Variants in RBFOX1 observed in about 807,000 individuals in gnomAD.
RBFOX1 encodes the protein RNA binding fox-1 homolog 1.
RBFOX1 carries 8 observed loss-of-function variants against 57.7 expected under a neutral mutation model. The ratio of observed to expected loss-of-function variants is 0.14; its 90% confidence interval spans 0.08 to 0.25. The LOEUF is 0.25. RBFOX1 is among the 10% of genes least tolerant of loss of function. RBFOX1 has a pLI of 1.00. For missense variants in RBFOX1, 611 were observed against 548.5 expected, an observed-to-expected ratio of 1.11 and a Z score of -1.14; for synonymous variants, 326 against 222.4, an observed-to-expected ratio of 1.47 and a Z score of -4.15.
chr16:6,067,480 C>G (rs74004709), intron 1 of RBFOX1, among the ~76,000 whole-genome samples: 156 of 152,296 alleles, frequency 1.0e-3, no homozygotes, highest in African/African-American at 3.6e-3. Flanking sequence ...AAATAAATCA[C>G]TAACCGTACT....
intron 2 of RBFOX1, among the ~76,000 whole-genome samples, chr16:6,518,225 TGTCTGGGCCAA>T (rs1264453561): frequency 1.3e-5 from 2 of 152,306 alleles, no homozygotes; most frequent in Admixed American, 6.5e-5. Flanking sequence ...CCTTGAGGGT[TGTCTGGGCCAA>T]ACACCATGTA....
chr16:6,462,004 A>G (rs2094931654), intron 2 of RBFOX1, among the ~76,000 whole-genome samples: 1 of 152,244 alleles, frequency 6.6e-6, no homozygotes, highest in African/African-American at 2.4e-5. Context: ...AGAAGGAAAG[A>G]GCAAACAAAA....
At chr16:6,842,476 G>A (rs1336457099) in intron 3 of RBFOX1, among the ~76,000 whole-genome samples, 1 of 151,980 alleles carries the variant, frequency 6.6e-6, no homozygotes, top group Non-Finnish European at 1.5e-5. Flanking sequence ...GAATGTGTGT[G>A]TTTGTTTAGA....
intron 1 of RBFOX1, among the ~76,000 whole-genome samples, chr16:5,406,263 G>T (rs1265881930): frequency 6.6e-6 from 1 of 152,124 alleles, no homozygotes; most frequent in Non-Finnish European, 1.5e-5. Context: ...TGAATTGGTG[G>T]ATGAGTACAG....
chr16:5,534,351 C>T lies in RBFOX1; in HGVS notation c.259-64551C>T, dbSNP rs80258276. On this transcript the variant is annotated intron_variant, in intron 2 of 2. Transcript: ENST00000585867. ...CTCATACGATCAGAAAGTGAAGTCCCCCAATAGCTGTCTTCAAGCTGTGGA... is the reference window on the plus strand; with the variant it reads ...CTCATACGATCAGAAAGTGAAGTCCTCCAATAGCTGTCTTCAAGCTGTGGA... Among the ~76,000 whole-genome samples, 1,519 of 152,216 alleles carry T rather than the reference C, an allele frequency of 1.0e-2. 11 individuals are homozygous for T. Among genetic ancestry groups the T allele is most frequent in the Middle Eastern group, 0.048 (14 of 294 alleles).
At position 6,915,797 on chromosome 16, in the gene RBFOX1, C is replaced by G. The variant is rs141238087; in HGVS notation, c.-15-136260C>G. Among the ~76,000 whole-genome samples, 11 of 152,258 alleles carry G rather than the reference C, an allele frequency of 7.2e-5. No individual in the cohort carries two copies. In the East Asian group the frequency reaches 1.7e-3, roughly 24 times the overall value. ...AAGCACCTGTACTCAGGTGATCTGC[C>G]TGCCCTGGCCTCGCAAAGTCCTGTA... On this transcript the variant is annotated intron_variant, in intron 3 of 15. Transcript: ENST00000550418.
At chr16:6,685,290 T>G (rs2059262869) in intron 3 of RBFOX1, among the ~76,000 whole-genome samples, 1 of 137,946 alleles carries the variant, frequency 7.2e-6, no homozygotes, top group South Asian at 2.3e-4. Flanking sequence ...TTTTTTTTTT[T>G]TTTGAGATGG....
rs577514425 is a variant in RBFOX1 at position 6,429,954 on chromosome 16, C to T, written c.-64+112897C>T. ...TGAAACCCCCTCTCTACTAAAAATACAAAATTAGCCAGGTATGGTGACACA... is the reference window on the plus strand; with the variant it reads ...TGAAACCCCCTCTCTACTAAAAATATAAAATTAGCCAGGTATGGTGACACA... On this transcript the variant is annotated intron_variant, in intron 2 of 15. Coordinates refer to ENST00000550418, the MANE Select transcript of RBFOX1 (RefSeq NM_018723.4). 5.5e-3 allele frequency among the ~76,000 whole-genome samples: 828 copies of T among 151,922 alleles called. 11 individuals carry two copies. The highest frequency in any genetic ancestry group is 5.2e-3 in the Non-Finnish European group (351 of 67,928).
At chr16:6,403,581 C>T (rs2093163683) in intron 2 of RBFOX1, among the ~76,000 whole-genome samples, 1 of 152,074 alleles carries the variant, frequency 6.6e-6, no homozygotes, top group African/African-American at 2.4e-5. Context: ...TCTCAAACTC[C>T]TGGGCTCATG....
intron 3 of RBFOX1, among the ~76,000 whole-genome samples, chr16:7,041,231 A>G (rs973078367): frequency 3.3e-5 from 5 of 151,350 alleles, no homozygotes; most frequent in South Asian, 2.1e-4. Flanking sequence ...ACCACATCCA[A>G]CCCTGTAAAT....
At chr16:5,803,306 A>G (rs2055118581) in intron 3 of RBFOX1, among the ~76,000 whole-genome samples, 1 of 152,080 alleles carries the variant, frequency 6.6e-6, no homozygotes, top group South Asian at 2.1e-4. Flanking sequence ...CCTTTGTACT[A>G]TTTTATGGTC....
intron 4 of RBFOX1, among the ~76,000 whole-genome samples, chr16:7,125,616 A>AT (rs2068308852): frequency 6.6e-6 from 1 of 152,206 alleles, no homozygotes; most frequent in South Asian, 2.1e-4. Flanking sequence ...TCGCAATAAT[A>AT]TAGAAGATGG....
intron 2 of RBFOX1, among the ~76,000 whole-genome samples, chr16:6,390,981 T>C (rs2092572815): frequency 6.6e-6 from 1 of 152,124 alleles, no homozygotes. Flanking sequence ...GTGAGGGCTG[T>C]CCTGTGTATA....
At chr16:6,226,203 C>CAA (rs543386716) in intron 1 of RBFOX1, among the ~76,000 whole-genome samples, 16 of 99,954 alleles carry the variant, frequency 1.6e-4, no homozygotes, top group East Asian at 5.6e-4. Context: ...ACTAAAAATA[C>CAA]AAAAAAAAAA....
intron 2 of RBFOX1, among the ~76,000 whole-genome samples, chr16:6,418,086 T>C (rs1298668594): frequency 6.6e-6 from 1 of 152,176 alleles, no homozygotes; most frequent in African/African-American, 2.4e-5. Flanking sequence ...CTTACTGCCA[T>C]GACTAAGTAC....
chr16:5,343,391 T>C (rs544034039), intron 1 of RBFOX1, among the ~76,000 whole-genome samples: 46 of 147,548 alleles, frequency 3.1e-4, no homozygotes, highest in African/African-American at 1.1e-3. Context: ...CTCAGCTCAC[T>C]GCAAGCTCTA....
intron 4 of RBFOX1, among the ~76,000 whole-genome samples, chr16:7,178,365 A>T (rs569688789): frequency 6.6e-6 from 1 of 152,186 alleles, no homozygotes; most frequent in Non-Finnish European, 1.5e-5. Context: ...GTCACTAACA[A>T]TTTGGGCATA....
chr16:7,437,540 A>T (rs1483183964), intron 4 of RBFOX1, among the ~76,000 whole-genome samples: 1 of 152,206 alleles, frequency 6.6e-6, no homozygotes, highest in African/African-American at 2.4e-5. Flanking sequence ...CATAATCAAC[A>T]TGGGAACGGA....
chr16:7,683,116 A>G (rs2075290017), intron 14 of RBFOX1, among the ~76,000 whole-genome samples: 1 of 142,368 alleles, frequency 7.0e-6, no homozygotes, highest in African/African-American at 2.6e-5. Context: ...TTTCCTCCTG[A>G]TCTGCTCTGT....
Sources: gnomAD v4.1 joint callset for allele counts (sites outside exome capture counted in the v4.1 genomes callset) on GRCh38, gnomAD v4.1.1 for gene constraint, MANE v1.5 for transcripts, NCBI Gene and HGNC (gene_info 2026-07-23, HGNC 2026-07-21) for gene names.